The following ABHD2 variants were observed in gnomAD, a reference collection of about 807,000 sequenced individuals.
The protein encoded by ABHD2 is abhydrolase domain containing 2, acylglycerol lipase, also known as monoacylglycerol lipase ABHD2.
Under a neutral mutation model 48.1 loss-of-function variants are expected in ABHD2, and 20 were observed. That is an observed-to-expected ratio of 0.42 (90% CI 0.29 to 0.60). ABHD2 has a LOEUF of 0.60. Ranked by LOEUF, ABHD2 falls within the 20% of genes least tolerant of loss-of-function variation. The probability of loss-of-function intolerance (pLI) is 0.24; values close to 1 mark genes in which losing one functional copy is unlikely to be tolerated. For missense variants in ABHD2, 405 were observed against 550.9 expected (o/e 0.74, Z 2.65); for synonymous variants, 209 against 214.2 (o/e 0.98, Z 0.21).
the ABHD2 span, among the ~76,000 whole-genome samples, chr15:89,046,761 T>A: frequency 6.6e-6 from 1 of 152,348 alleles, no homozygotes; most frequent in East Asian, 1.9e-4. Flanking sequence ...TTATCATTTT[T>A]TATTGCATCT....
At chr15:89,124,901 C>G (rs904159366) in intron 3 of ABHD2, among the ~76,000 whole-genome samples, 1 of 151,990 alleles carries the variant, frequency 6.6e-6, no homozygotes, top group African/African-American at 2.4e-5. Flanking sequence ...CCAGCCTGGC[C>G]AACATGGTGA....
At chr15:89,148,140 A>C (rs1248787153) in intron 3 of ABHD2, among the ~76,000 whole-genome samples, 2 of 150,868 alleles carry the variant, frequency 1.3e-5, no homozygotes, top group African/African-American at 2.4e-5. Context: ...AAAAAAAAAA[A>C]ACTACATAAA....
the ABHD2 span, among the ~76,000 whole-genome samples, chr15:89,066,898 T>C: frequency 3.9e-5 from 6 of 152,234 alleles, no homozygotes; most frequent in Non-Finnish European, 7.3e-5. Context: ...TTTCTCCAGA[T>C]GCCATGAAGT....
rs1780623717 is a variant in ABHD2, at chr15:89,097,074, T to C, written c.-107+8511T>C. Among the ~76,000 whole-genome samples the C allele has an allele frequency of 6.6e-6, 1 of 152,224 alleles. No homozygotes were observed. Among genetic ancestry groups the C allele is most frequent in the East Asian group, 1.9e-4 (1 of 5,198 alleles). Reference sequence around the variant, plus strand: ...GGCCTTTGTGACTAGCAGGACTGTTTGTCATATTGCTAAATAATCACTCAT... The same window carrying C: ...GGCCTTTGTGACTAGCAGGACTGTTCGTCATATTGCTAAATAATCACTCAT... On this transcript the variant is annotated intron_variant, in intron 1 of 10. Coordinates refer to ENST00000352732, the MANE Select transcript of ABHD2 (RefSeq NM_152924.5). The surrounding 1 kb of genome is among the most constrained non-coding windows in gnomAD (Gnocchi z 4.2).
At chr15:89,142,858 G>T (rs376116472) in intron 3 of ABHD2, among the ~76,000 whole-genome samples, 1 of 152,106 alleles carries the variant, frequency 6.6e-6, no homozygotes, top group Non-Finnish European at 1.5e-5. Context: ...AGCCTCCTGC[G>T]TTCCCATTGA....
chr15:89,175,878 T>C lies in ABHD2; in HGVS notation c.605T>C (p.Val202Ala). ...AAGACATATCCCCTGACCCAGCTGG[T>C]CGTCGTGGGCTTCAGCCTGGGTGGT... The part of the protein sequence containing the change: ...IKKTYPLTQL[V>A]VVGFSLGGNI... Residue 202 changes from valine (V) to alanine (A), a missense_variant, in exon 6 of 11, where the codon GTC (valine) becomes GCC (alanine). Physicochemically the swap from Val to Ala is moderately conservative, Grantham distance 64. Transcript: ENST00000352732. This position sits in a 1 kb window ranked among gnomAD's most constrained non-coding sequence, Gnocchi z 5.7. The C allele has an allele frequency of 6.2e-7, 1 of 1,613,992 alleles. No individual in the cohort carries two copies. The highest frequency in any genetic ancestry group is 8.5e-7 in the Non-Finnish European group (1 of 1,179,960).
At chr15:89,103,379 C>A (rs978787837) in intron 1 of ABHD2, among the ~76,000 whole-genome samples, 9 of 152,158 alleles carry the variant, frequency 5.9e-5, no homozygotes, top group African/African-American at 2.2e-4. Flanking sequence ...TCATCAACTT[C>A]TTTCCTTCAG....
chr15:89,140,474 G>A (rs557387029), intron 3 of ABHD2, among the ~76,000 whole-genome samples: 7 of 151,828 alleles, frequency 4.6e-5, no homozygotes, highest in East Asian at 1.9e-4. Context: ...TTTTTTTAAC[G>A]TTACAATATA....
rs879045433 is a variant in ABHD2 at position 89,175,668 on chromosome 15, C to A, written c.539-144C>A. ...GTCTGTCTCTCTCTCCACACACATCCCCCGACACACACACGTATATATACA... is the reference window on the plus strand; with the variant it reads ...GTCTGTCTCTCTCTCCACACACATCACCCGACACACACACGTATATATACA... On this transcript the variant is annotated intron_variant, in intron 5 of 10. Transcript: ENST00000352732. The surrounding 1 kb of genome is among the most constrained non-coding windows in gnomAD (Gnocchi z 5.7). 1.8e-5 allele frequency: 15 copies of A among 834,526 alleles called. No homozygotes were observed. In the South Asian group the frequency reaches 2.6e-4, roughly 15 times the overall value. 51.7% of individuals were successfully genotyped at this position (834,526 alleles called of 1,614,324 possible). A position where few individuals can be genotyped will look rare whatever the true frequency, so the allele number is the denominator to read the frequency against.
chr15:89,132,311 T>C lies in ABHD2; in HGVS notation c.194+15790T>C, dbSNP rs567270629. Among the ~76,000 whole-genome samples, 29 of 152,336 alleles carry C rather than the reference T, an allele frequency of 1.9e-4. No homozygotes were observed. In the East Asian group the frequency reaches 5.2e-3, roughly 27 times the overall value. ...TCGCTGTAAGGGACAAATTGAATTA[T>C]GTAACATGCCCATAGAAGGGGCTAA... On this transcript the variant is annotated intron_variant, in intron 3 of 10. Coordinates refer to ENST00000352732, the MANE Select transcript of ABHD2 (RefSeq NM_152924.5).
chr15:89,190,328 C>A (rs929730238), intron 8 of ABHD2, among the ~76,000 whole-genome samples: 1 of 152,176 alleles, frequency 6.6e-6, no homozygotes, highest in African/African-American at 2.4e-5. Context: ...AGCTGCGGCC[C>A]CTCATTCATG....
At chr15:89,066,847 C>A in the ABHD2 span, among the ~76,000 whole-genome samples, 1 of 152,174 alleles carries the variant, frequency 6.6e-6, no homozygotes, top group South Asian at 2.1e-4. Context: ...CAGCTGAGTG[C>A]CTGATTGCAC....
chr15:89,128,942 G>C (rs2050177289), intron 3 of ABHD2, among the ~76,000 whole-genome samples: 2 of 152,244 alleles, frequency 1.3e-5, no homozygotes, highest in South Asian at 2.1e-4. Context: ...CAGTGGTATT[G>C]GTGGGTAATG....
At position 89,185,326 on chromosome 15, in the gene ABHD2, C is replaced by A. The variant is rs982740332; in HGVS notation, c.723-98C>A. On this transcript the variant is annotated intron_variant, in intron 6 of 10. Transcript: ENST00000352732. The surrounding 1 kb of genome is among the most constrained non-coding windows in gnomAD (Gnocchi z 5.9). ...AGGCCACAGCCTGAGAGCCGGCCCT[C>A]TCCACACAAGCACCTCACCCCATGG... 3.4e-6 allele frequency: 3 copies of A among 873,220 alleles called. No homozygotes were observed. The highest frequency in any genetic ancestry group is 5.6e-6 in the Non-Finnish European group (3 of 540,272). 54.1% of individuals were successfully genotyped at this position (873,220 alleles called of 1,614,324 possible).
At position 89,184,263 on chromosome 15, in the gene ABHD2, A is replaced by G. The variant is rs1476997397; in HGVS notation, c.723-1161A>G. ...TGGAATTTTGCCATTCTAAAATTGT[A>G]GCAGCTTTGGGGAAATTACTTTTAT... is the stretch of plus-strand genomic sequence containing the variant. On this transcript the variant is annotated intron_variant, in intron 6 of 10. Coordinates refer to ENST00000352732, the MANE Select transcript of ABHD2 (RefSeq NM_152924.5). This position sits in a 1 kb window ranked among gnomAD's most constrained non-coding sequence, Gnocchi z 5.1. Among the ~76,000 whole-genome samples, 5 of 152,208 alleles carry G rather than the reference A, an allele frequency of 3.3e-5. No homozygotes were observed. The highest frequency in any genetic ancestry group is 2.9e-5 in the Non-Finnish European group (2 of 68,042).
rs2150796333 is a variant in ABHD2 at position 89,106,743 on chromosome 15, T to G, written c.-106-6982T>G. ...TACTTTCTCTCCAAGGGTGTCATGT[T>G]GCCCACATTTAAGGTTGACCACTTT... is the stretch of plus-strand genomic sequence containing the variant. On this transcript the variant is annotated intron_variant, in intron 1 of 10. Transcript: ENST00000352732. The surrounding 1 kb of genome is among the most constrained non-coding windows in gnomAD (Gnocchi z 4.2). 6.6e-6 allele frequency among the ~76,000 whole-genome samples: 1 copy of G among 152,306 alleles called. No homozygotes were observed. Among genetic ancestry groups the G allele is most frequent in the East Asian group, 1.9e-4 (1 of 5,180 alleles).
intron 5 of ABHD2, among the ~76,000 whole-genome samples, chr15:89,158,662 G>A (rs899741041): frequency 6.6e-6 from 1 of 152,106 alleles, no homozygotes; most frequent in Non-Finnish European, 1.5e-5. Flanking sequence ...GTAGGCAGTT[G>A]ATTACATATA....
At chr15:89,103,154 TAA>T (rs2049728014) in intron 1 of ABHD2, among the ~76,000 whole-genome samples, 2 of 152,238 alleles carry the variant, frequency 1.3e-5, no homozygotes, top group South Asian at 4.1e-4. Flanking sequence ...AAAGATGTGA[TAA>T]AGTCAAGCTC....
At chr15:89,084,228 AAT>A (rs1254576310), upstream of ABHD2, among the ~76,000 whole-genome samples, 2 of 149,998 alleles carry the variant, frequency 1.3e-5, no homozygotes, top group African/African-American at 5.0e-5. This position sits in a 1 kb window ranked among gnomAD's most constrained non-coding sequence, Gnocchi z 4.4. Context: ...AAAAAAAAAA[AAT>A]CCTGCATGTG....
Sources: gnomAD v4.1 joint callset for allele counts (sites outside exome capture counted in the v4.1 genomes callset) on GRCh38, gnomAD v4.1.1 for gene constraint, Gnocchi (gnomAD v3.1) non-coding constraint, MANE v1.5 for transcripts, NCBI Gene and HGNC (gene_info 2026-07-23, HGNC 2026-07-21) for gene names.